The following RB1CC1 variants were observed in gnomAD, a reference collection of about 807,000 sequenced individuals.
RB1CC1 encodes RB1-inducible coiled-coil protein 1.
Under a neutral mutation model 177.5 loss-of-function variants are expected in RB1CC1, and 46 were observed. The ratio of observed to expected loss-of-function variants is 0.26; its 90% confidence interval spans 0.20 to 0.33. The LOEUF is 0.33. RB1CC1 is among the 10% of genes least tolerant of loss of function. The probability of loss-of-function intolerance (pLI) is 1.00; values close to 1 mark genes in which losing one functional copy is unlikely to be tolerated. For synonymous variants in RB1CC1, 666 were observed against 613.6 expected (o/e 1.09, Z -1.26); for missense variants, 1,703 against 1,816.3 (o/e 0.94, Z 1.13).
At chr8:52,705,921 G>A (rs1856503820) in intron 1 of RB1CC1, among the ~76,000 whole-genome samples, 1 of 152,092 alleles carries the variant, frequency 6.6e-6, no homozygotes, top group South Asian at 2.1e-4. Context: ...GTATTGATCA[G>A]TACAAAAAGC....
chr8:52,711,983 TGAGGTCAG>T (rs1857097490), intron 1 of RB1CC1, among the ~76,000 whole-genome samples: 1 of 152,200 alleles, frequency 6.6e-6, no homozygotes, highest in East Asian at 1.9e-4. Flanking sequence ...GCAGATCACC[TGAGGTCAG>T]GAGTTCAAGA....
rs1252710829 is a variant in RB1CC1 at position 52,685,489 on chromosome 8, G to A, written c.-20C>T. The A allele has an allele frequency of 6.7e-7, 1 of 1,489,682 alleles. No homozygotes were observed. The highest frequency in any genetic ancestry group is 2.3e-5 in the East Asian group (1 of 44,072). The allele number at this position is 1,489,682 out of a possible 1,614,324, so 92.3% of individuals were successfully genotyped here. A position where few individuals can be genotyped will look rare whatever the true frequency, so the allele number is the denominator to read the frequency against. The stretch of plus-strand genomic sequence containing the variant: ...CTTCATGATGATTTATCTGAATTCT[G>A]TGAGCTTATACCTCACCCTCTGATA... On this transcript the variant is annotated 5_prime_UTR_variant, in exon 3 of 24. Coordinates refer to ENST00000025008, the MANE Select transcript of RB1CC1 (RefSeq NM_014781.5).
rs1851153635 is a variant in RB1CC1, at chr8:52,657,147, T to C, written c.2682A>G (p.Lys894=). ...CAAGGCATACTAACTCTCCCTTCAATTTTTTAATTTTGTTTTCATTCTCTT... is the reference window on the plus strand; with the variant it reads ...CAAGGCATACTAACTCTCCCTTCAACTTTTTAATTTTGTTTTCATTCTCTT... ...ETEENENKIK[K]LKGELVCLEE... The change falls in exon 15 of 24, where the codon AAA becomes AAG. Residue 894 remains lysine (K), a synonymous_variant. Coordinates refer to ENST00000025008, the MANE Select transcript of RB1CC1 (RefSeq NM_014781.5). The C allele has an allele frequency of 1.2e-6, 2 of 1,610,060 alleles. No homozygotes were observed. The highest frequency in any genetic ancestry group is 2.7e-5 in the African/African-American group (2 of 74,814).
rs190529847 is a variant in RB1CC1, at chr8:52,680,643, C to A, written c.369+2906G>T. On this transcript the variant is annotated intron_variant, in intron 5 of 23. Transcript: ENST00000025008. ...ACAATAGTTGAACACTGGAAACAAT[C>A]TCAATACCTACTAGTAGCAGAACAG... is the stretch of plus-strand genomic sequence containing the variant. Among the ~76,000 whole-genome samples the A allele has an allele frequency of 8.5e-5, 13 of 152,222 alleles. No individual in the cohort carries two copies. The East Asian group carries it at 2.1e-3, about 25-fold the overall frequency.
chr8:52,653,816 C>T (rs1295790269), intron 15 of RB1CC1, among the ~76,000 whole-genome samples: 1 of 152,112 alleles, frequency 6.6e-6, no homozygotes, highest in Non-Finnish European at 1.5e-5. Context: ...TTCCTTTAAG[C>T]ATCATGTCAG....
chr8:52,687,464 A>G (rs1854372345), intron 1 of RB1CC1, among the ~76,000 whole-genome samples: 1 of 152,144 alleles, frequency 6.6e-6, no homozygotes, highest in African/African-American at 2.4e-5. Context: ...TCTGTTTCTA[A>G]CCAAAAAAAT....
At chr8:52,646,503 T>C (rs941821791) in intron 15 of RB1CC1, among the ~76,000 whole-genome samples, 6 of 152,240 alleles carry the variant, frequency 3.9e-5, no homozygotes, top group African/African-American at 1.4e-4. Context: ...ACATGAAATT[T>C]ACACAATGAC....
chr8:52,667,206 T>C (rs1268922228), intron 8 of RB1CC1, among the ~76,000 whole-genome samples: 2 of 152,090 alleles, frequency 1.3e-5, no homozygotes, highest in East Asian at 1.9e-4. Context: ...AACAACAAAA[T>C]TGAACTTATC....
intron 5 of RB1CC1, among the ~76,000 whole-genome samples, chr8:52,678,804 A>C (rs1314791553): frequency 6.6e-6 from 1 of 152,212 alleles, no homozygotes; most frequent in African/African-American, 2.4e-5. Context: ...CTGGCCTTGG[A>C]GAAAAGAGGT....
At chr8:52,704,143 G>A (rs377714066) in intron 1 of RB1CC1, among the ~76,000 whole-genome samples, 9 of 152,068 alleles carry the variant, frequency 5.9e-5, no homozygotes, top group African/African-American at 1.9e-4. Context: ...TTTAGTCCTA[G>A]CTTCACATCT....
intron 1 of RB1CC1, among the ~76,000 whole-genome samples, chr8:52,706,144 A>T (rs1010763329): frequency 2.3e-5 from 1 of 43,946 alleles, no homozygotes; most frequent in African/African-American, 5.3e-5. Flanking sequence ...CATATCCATT[A>T]AAAAAAAAAG....
At chr8:52,665,162 TTC>T (rs1393241308) in intron 8 of RB1CC1, among the ~76,000 whole-genome samples, 5 of 152,204 alleles carry the variant, frequency 3.3e-5, no homozygotes, top group African/African-American at 1.2e-4. Context: ...AATTTAAAGC[TTC>T]TGTTTTTCGA....
At chr8:52,634,086 C>A (rs1049595999) in intron 20 of RB1CC1, among the ~76,000 whole-genome samples, 1 of 152,150 alleles carries the variant, frequency 6.6e-6, no homozygotes, top group Non-Finnish European at 1.5e-5. Flanking sequence ...CACCACACTT[C>A]AGCCTGGGCA....
intron 1 of RB1CC1, among the ~76,000 whole-genome samples, chr8:52,711,698 A>G (rs1051426409): frequency 6.6e-6 from 1 of 152,172 alleles, no homozygotes; most frequent in African/African-American, 2.4e-5. Context: ...TCATCTGTAG[A>G]CCTTTGTGAG....
At chr8:52,692,750 G>C (rs1855003383) in intron 1 of RB1CC1, among the ~76,000 whole-genome samples, 1 of 152,126 alleles carries the variant, frequency 6.6e-6, no homozygotes, top group African/African-American at 2.4e-5. Flanking sequence ...TCCCCTTGCA[G>C]ATTTTCTCCC....
chr8:52,645,578 G>T, intron 16 of RB1CC1, 124 bp downstream of exon 16: 1 of 1,005,522 alleles, frequency 9.9e-7, no homozygotes, highest in Non-Finnish European at 1.4e-6. Flanking sequence ...TTTATTAACA[G>T]GATCAATGTA....
Position 52,661,690 on chromosome 8 carries a change from T to C in RB1CC1, c.1203A>G (p.Glu401=). ...QGFLANQKRA[E]NLKDASVLPD... The stretch of plus-strand genomic sequence containing the variant: ...GTAATACAGATGCATCCTTTAAGTT[T>C]TCAGCTCTCTTCTGATTAGCTAAAA... Residue 401 remains glutamate (E), a synonymous_variant, in exon 9 of 24, where the codon GAA becomes GAG. Coordinates refer to ENST00000025008, the MANE Select transcript of RB1CC1 (RefSeq NM_014781.5). The C allele has an allele frequency of 6.3e-7, 1 of 1,591,476 alleles. No homozygotes were observed.
chr8:52,708,034 T>C (rs1856734294), intron 1 of RB1CC1, among the ~76,000 whole-genome samples: 1 of 152,206 alleles, frequency 6.6e-6, no homozygotes, highest in Non-Finnish European at 1.5e-5. Flanking sequence ...ACTAAAAGCT[T>C]TAAAAATGGT....
At position 52,623,530 on chromosome 8, in the gene RB1CC1, C is replaced by T. The variant is rs924422457; in HGVS notation, c.*252G>A. On this transcript the variant is annotated 3_prime_UTR_variant, in exon 24 of 24. Coordinates refer to ENST00000025008, the MANE Select transcript of RB1CC1 (RefSeq NM_014781.5). ...TTTGAGAAAATGAAGTAGTTTGGTC[C>T]GCATTTCTAGAGTTGTCTGGGTAAA... 3.7e-5 allele frequency: 17 copies of T among 457,520 alleles called. No homozygotes were observed. The highest frequency in any genetic ancestry group is 5.9e-5 in the South Asian group (3 of 50,572). 28.3% of individuals were successfully genotyped at this position (457,520 alleles called of 1,614,324 possible). A position where few individuals can be genotyped will look rare whatever the true frequency, so the allele number is the denominator to read the frequency against.
Sources: gnomAD v4.1 joint callset for allele counts (sites outside exome capture counted in the v4.1 genomes callset) on GRCh38, gnomAD v4.1.1 for gene constraint, MANE v1.5 for transcripts, NCBI Gene and HGNC (gene_info 2026-07-23, HGNC 2026-07-21) for gene names.